SVEP1: variants seen among roughly 807,000 people sequenced by gnomAD.
The protein encoded by SVEP1 is sushi, von Willebrand factor type A, EGF and pentraxin domain-containing protein 1.
In SVEP1, 164 loss-of-function variants were observed where a neutral mutation model predicts 367.3. That is an observed-to-expected ratio of 0.45 (90% CI 0.39 to 0.51). The LOEUF is 0.51. SVEP1 is among the 20% of genes least tolerant of loss of function. SVEP1 has a pLI of 0.00. For missense variants in SVEP1, 4,117 were observed against 4,425.3 expected, an observed-to-expected ratio of 0.93 and a Z score of 1.98; for synonymous variants, 1,666 against 1,611.6, an observed-to-expected ratio of 1.03 and a Z score of -0.81.
chr9:110,483,590 G>A lies in SVEP1; in HGVS notation c.2034C>T (p.Asn678=), dbSNP rs759477331. The change falls in exon 10 of 48, where the codon AAC becomes AAT. Residue 678 remains asparagine, a synonymous_variant. Coordinates refer to ENST00000374469, the MANE Select transcript of SVEP1 (RefSeq NM_153366.4). ...ASWDEPQFSD[N]SGAELVITRS... The stretch of plus-strand genomic sequence containing the variant: ...ACAAAGTCCTTGTCACCTCACCTGA[G>A]TTGTCTGAGAACTGAGGCTCATCCC... The A allele has an allele frequency of 3.7e-6, 6 of 1,608,372 alleles. No homozygotes were observed. The African/African-American group carries it at 6.7e-5, about 18-fold the overall frequency.
At chr9:110,383,538 TCATC>T (rs1827474825) in intron 43 of SVEP1, among the ~76,000 whole-genome samples, 1 of 57,530 alleles carries the variant, frequency 1.7e-5, no homozygotes, top group African/African-American at 7.3e-5. Flanking sequence ...TGGGGGGGTC[TCATC>T]CGTGACCCCT....
intron 18 of SVEP1, among the ~76,000 whole-genome samples, chr9:110,460,413 T>TA (rs1357613664): frequency 2.6e-5 from 4 of 152,214 alleles, no homozygotes; most frequent in Non-Finnish European, 5.9e-5. Context: ...AATCATGTAC[T>TA]ATAAGTTTTC....
intron 9 of SVEP1, among the ~76,000 whole-genome samples, chr9:110,484,622 A>G (rs1057411947): frequency 1.3e-5 from 2 of 152,242 alleles, no homozygotes; most frequent in African/African-American, 4.8e-5. Flanking sequence ...CAGCTTCTGC[A>G]CAACAAAAGA....
At position 110,376,391 on chromosome 9, in the gene SVEP1, AATG is replaced by A. The variant is rs1458692124; in HGVS notation, c.10504+877_10504+879del. 5.9e-5 allele frequency among the ~76,000 whole-genome samples: 9 copies of A among 152,256 alleles called. No homozygotes were observed. The East Asian group carries it at 1.7e-3, about 29-fold the overall frequency. ...AGTCTGGGAGCTCTAGGTGAAATGG[AATG>A]ATTGGGGTGAGCTGGAAGAGAAAAG... On this transcript the variant is annotated intron_variant, in intron 45 of 47. Transcript: ENST00000374469.
intron 3 of SVEP1, among the ~76,000 whole-genome samples, chr9:110,536,191 C>G (rs1358386175): frequency 1.3e-5 from 2 of 152,048 alleles, no homozygotes; most frequent in Non-Finnish European, 2.9e-5. Context: ...AAAGCCATTT[C>G]TGCATCTATT....
At chr9:110,517,892 A>G (rs1829826390) in intron 3 of SVEP1, among the ~76,000 whole-genome samples, 1 of 152,128 alleles carries the variant, frequency 6.6e-6, no homozygotes, top group Admixed American at 6.5e-5. Flanking sequence ...TAAATTGCTA[A>G]CTAAAATAAT....
rs542959665 is a variant in SVEP1 at position 110,519,638 on chromosome 9, G to A, written c.965-5532C>T. Reference sequence around the variant, plus strand: ...AAAGAGTCTTCCAATTACCTGACCTGGCCATTGTCCAGCCAATTGCCTGAG... The same window carrying A: ...AAAGAGTCTTCCAATTACCTGACCTAGCCATTGTCCAGCCAATTGCCTGAG... On this transcript the variant is annotated intron_variant, in intron 3 of 47. Coordinates refer to ENST00000374469, the MANE Select transcript of SVEP1 (RefSeq NM_153366.4). Among the ~76,000 whole-genome samples, 25 of 152,252 alleles carry A rather than the reference G, an allele frequency of 1.6e-4. No individual in the cohort carries two copies. The South Asian group carries it at 5.2e-3, about 32-fold the overall frequency.
In SVEP1 at chr9:110,579,052, A is replaced by T; in HGVS notation, c.492T>A (p.Gly164=). The T allele has an allele frequency of 1.9e-6, 3 of 1,549,238 alleles. No homozygotes were observed. The highest frequency in any genetic ancestry group is 2.6e-6 in the Non-Finnish European group (3 of 1,146,754). The stretch of plus-strand genomic sequence containing the variant: ...AGGCGCCCTTGGTGTAGGTGCCGCC[A>T]CCTCGGTAGGAGATGGCAGGGATCT... The part of the protein sequence containing the change: ...LQEIPAISYR[G]GGTYTKGAFQ... The change falls in exon 1 of 48, where the codon GGT becomes GGA. Residue 164 remains glycine (G), a synonymous_variant. Transcript: ENST00000374469. The surrounding 1 kb of genome is among the most constrained non-coding windows in gnomAD (Gnocchi z 5.3).
At chr9:110,578,385 T>C (rs1342093148) in intron 1 of SVEP1, among the ~76,000 whole-genome samples, 2 of 151,284 alleles carry the variant, frequency 1.3e-5, no homozygotes, top group African/African-American at 2.4e-5. Context: ...TTCCTCTCCC[T>C]ACTTTTTGTT....
At chr9:110,498,748 T>C (rs574173243) in intron 7 of SVEP1, among the ~76,000 whole-genome samples, 2 of 152,288 alleles carry the variant, frequency 1.3e-5, no homozygotes, top group South Asian at 4.1e-4. Flanking sequence ...TCACCTGCTT[T>C]ATATAGACCA....
chr9:110,423,168 T>TAAA, intron 36 of SVEP1, among the ~76,000 whole-genome samples: 18 of 103,632 alleles, frequency 1.7e-4, no homozygotes, highest in African/African-American at 2.1e-4. Flanking sequence ...AAAAATAAAG[T>TAAA]AAAAAAAAAA....
At chr9:110,379,282 A>G in intron 44 of SVEP1, 65 bp downstream of exon 44, 2 of 1,549,620 alleles carry the variant, frequency 1.3e-6, no homozygotes, top group Non-Finnish European at 1.8e-6. Flanking sequence ...TGCTGGACAA[A>G]TCAGATTTCT....
At chr9:110,424,390 G>C (rs1040534077) in intron 36 of SVEP1, among the ~76,000 whole-genome samples, 2 of 152,010 alleles carry the variant, frequency 1.3e-5, no homozygotes, top group Non-Finnish European at 2.9e-5. Flanking sequence ...AGCTTCAAAA[G>C]GATGCTTAGA....
Position 110,432,434 on chromosome 9 carries a change from A to G in SVEP1, c.5233+28T>C, listed in dbSNP as rs753298601. 6.3e-6 allele frequency: 10 copies of G among 1,599,384 alleles called. No homozygotes were observed. The South Asian group carries it at 1.0e-4, about 16-fold the overall frequency. ...TCATCTACAGAGCTAGAATAATCTC[A>G]TATAGTAGTTGCCAACATTTATCTC... On this transcript the variant is annotated intron_variant, in intron 31 of 47. Coordinates refer to ENST00000374469, the MANE Select transcript of SVEP1 (RefSeq NM_153366.4).
intron 1 of SVEP1, among the ~76,000 whole-genome samples, chr9:110,570,593 G>A (rs1176321862): frequency 6.6e-6 from 1 of 151,774 alleles, no homozygotes; most frequent in African/African-American, 2.4e-5. Flanking sequence ...CAATTCTCCT[G>A]CCTCCGTCTC....
intron 6 of SVEP1, among the ~76,000 whole-genome samples, chr9:110,501,254 C>G (rs944613797): frequency 6.7e-6 from 1 of 150,274 alleles, no homozygotes; most frequent in African/African-American, 2.4e-5. Flanking sequence ...ATGTTCTTTT[C>G]ATCTCTCGGT....
At chr9:110,499,825 G>A (rs993977208) in intron 6 of SVEP1, among the ~76,000 whole-genome samples, 2 of 152,224 alleles carry the variant, frequency 1.3e-5, no homozygotes, top group African/African-American at 2.4e-5. Context: ...GTGCATGTGA[G>A]GGGGCAGCGT....
At chr9:110,479,219 G>GT (rs369238277) in intron 13 of SVEP1, among the ~76,000 whole-genome samples, 4,288 of 151,780 alleles carry the variant, frequency 0.028, 191 homozygotes, top group African/African-American at 0.098. Flanking sequence ...CGCCTGGTCT[G>GT]TTTTTTTTAT....
intron 10 of SVEP1, 86 bp from the exon 11 acceptor site, chr9:110,482,578 G>C (rs893392660): frequency 1.4e-6 from 2 of 1,466,162 alleles, no homozygotes; most frequent in South Asian, 2.7e-5. Context: ...CCAGGCTGGA[G>C]TGCAATGGCA....
Sources: allele counts gnomAD v4.1 joint callset (sites outside exome capture counted in the v4.1 genomes callset), GRCh38; gene constraint gnomAD v4.1.1; non-coding constraint Gnocchi (gnomAD v3.1); transcripts MANE v1.5; gene names NCBI Gene and HGNC (gene_info 2026-07-23, HGNC 2026-07-21).